The following JADE2 variants were observed in gnomAD, a reference collection of about 807,000 sequenced individuals.
The protein encoded by JADE2 is jade family PHD finger 2.
JADE2 carries 13 observed loss-of-function variants against 85.7 expected under a neutral mutation model. The observed-to-expected ratio is 0.15, with a 90% confidence interval of 0.10 to 0.24. The LOEUF (loss-of-function observed/expected upper bound fraction) is 0.24. Ranked by LOEUF, JADE2 falls within the 10% of genes least tolerant of loss-of-function variation. The pLI is 1.00. For synonymous variants in JADE2, 440 were observed against 456.1 expected, an observed-to-expected ratio of 0.96 and a Z score of 0.45; for missense variants, 846 against 1,115.9, an observed-to-expected ratio of 0.76 and a Z score of 3.45.
At position 134,559,915 on chromosome 5, in the gene JADE2, G is replaced by A. The variant is rs139883151; in HGVS notation, c.397G>A (p.Gly133Arg). 250 of 1,613,920 alleles carry A rather than the reference G, an allele frequency of 1.5e-4. No individual in the cohort carries two copies. In the African/African-American group the frequency reaches 1.8e-3, roughly 12 times the overall value. ...TGAGGGCTCCCAGCCTGATTGGCCA[G>A]GGGGCAGCCGCTATGACTTGGACGA... Reference protein sequence around the residue: ...LGEGSQPDWPGGSRYDLDEID... With the variant: ...LGEGSQPDWPRGSRYDLDEID... Residue 133 changes from glycine to arginine, a missense_variant, in exon 5 of 12, where the codon GGG becomes AGG. Physicochemically the swap from Gly to Arg is moderately radical, Grantham distance 125. This residue lies in a region of JADE2 where 78 missense variants were observed against 64.9 expected (regional missense o/e 1.20). Transcript: ENST00000681547.
At chr5:134,525,506 G>C (rs957530197), upstream of JADE2, among the ~76,000 whole-genome samples, 6 of 151,754 alleles carry the variant, frequency 4.0e-5, no homozygotes, top group East Asian at 1.2e-3. Flanking sequence ...GCGGGGGGTT[G>C]GGGGGGCGGC....
chr5:134,571,920 G>A (rs1347632123), intron 9 of JADE2, among the ~76,000 whole-genome samples: 1 of 152,234 alleles, frequency 6.6e-6, no homozygotes, highest in African/African-American at 2.4e-5. Flanking sequence ...GGCTGCTTGT[G>A]TGTCCAAGAC....
At chr5:134,542,417 C>A (rs1443801299) in intron 3 of JADE2, among the ~76,000 whole-genome samples, 3 of 150,418 alleles carry the variant, frequency 2.0e-5, no homozygotes, top group Non-Finnish European at 4.4e-5. Context: ...TCTGGAGTAG[C>A]ACCCTAGGTA....
intron 1 of JADE2, among the ~76,000 whole-genome samples, chr5:134,529,607 A>G (rs1235503456): frequency 6.6e-6 from 1 of 152,262 alleles, no homozygotes; most frequent in Non-Finnish European, 1.5e-5. Flanking sequence ...CAAAGCAGGC[A>G]TGTGATAAGC....
At chr5:134,554,106 T>A (rs1762769967) in intron 4 of JADE2, among the ~76,000 whole-genome samples, 2 of 152,132 alleles carry the variant, frequency 1.3e-5, no homozygotes, top group Admixed American at 1.3e-4. Context: ...AGATCACAGC[T>A]GTTACCTCCC....
At position 134,525,724 on chromosome 5, in the gene JADE2, A is replaced by G; in HGVS notation, c.-288A>G. 8.1e-7 allele frequency: 1 copy of G among 1,229,652 alleles called. No individual in the cohort carries two copies. Among genetic ancestry groups the G allele is most frequent in the Non-Finnish European group, 1.0e-6 (1 of 964,388 alleles). The allele number at this position is 1,229,652 out of a possible 1,614,324, so 76.2% of individuals were successfully genotyped here. ...TGCCGACCGCGGCCATCGCAGTTGGAGGCTATTTTTTGGGGGGGGTGAGTA... is the reference window on the plus strand; with the variant it reads ...TGCCGACCGCGGCCATCGCAGTTGGGGGCTATTTTTTGGGGGGGGTGAGTA... On this transcript the variant is annotated 5_prime_UTR_variant, in exon 1 of 12. Coordinates refer to ENST00000681547, the MANE Select transcript of JADE2 (RefSeq NM_001388185.1).
At chr5:134,559,091 C>T (rs12054866) in intron 4 of JADE2, among the ~76,000 whole-genome samples, 18,172 of 152,184 alleles carry the variant, frequency 0.12, 1,388 homozygotes, top group East Asian at 0.24. Context: ...GTCCTGGGGC[C>T]GGGTAACACT....
rs369736249 is a variant in JADE2, at chr5:134,541,410, G to A, written c.153+3327G>A. Among the ~76,000 whole-genome samples, 4 of 152,336 alleles carry A rather than the reference G, an allele frequency of 2.6e-5. No homozygotes were observed. In the South Asian group the frequency reaches 8.3e-4, roughly 32 times the overall value. On this transcript the variant is annotated intron_variant, in intron 3 of 11. Coordinates refer to ENST00000681547, the MANE Select transcript of JADE2 (RefSeq NM_001388185.1). Reference sequence around the variant, plus strand: ...AGAGAATGTTTGCACTAAATCTCACGGACTGCTCTCTTCTCTTTCTGTGAA... The same window carrying A: ...AGAGAATGTTTGCACTAAATCTCACAGACTGCTCTCTTCTCTTTCTGTGAA...
At chr5:134,525,365 C>A (rs997856158), upstream of JADE2, among the ~76,000 whole-genome samples, 4 of 151,786 alleles carry the variant, frequency 2.6e-5, no homozygotes, top group Non-Finnish European at 4.4e-5. Flanking sequence ...GGGCTAGGGG[C>A]GCCCCAGAGT....
At chr5:134,528,219 C>T (rs1760999173) in intron 1 of JADE2, among the ~76,000 whole-genome samples, 1 of 152,182 alleles carries the variant, frequency 6.6e-6, no homozygotes, top group Non-Finnish European at 1.5e-5. Context: ...CATTAACTCC[C>T]TCCCTTCACT....
At chr5:134,530,291 G>A (rs1175286397) in intron 1 of JADE2, among the ~76,000 whole-genome samples, 3 of 152,250 alleles carry the variant, frequency 2.0e-5, no homozygotes, top group Admixed American at 6.5e-5. Flanking sequence ...TTACACACAC[G>A]CCTTAGCGGT....
intron 4 of JADE2, among the ~76,000 whole-genome samples, chr5:134,553,978 G>A (rs1311244368): frequency 6.6e-6 from 1 of 152,164 alleles, no homozygotes; most frequent in Admixed American, 6.5e-5. Context: ...CTTGTGTCCT[G>A]GCCTCCCCCA....
At chr5:134,567,496 G>A (rs1254028332) in intron 9 of JADE2, among the ~76,000 whole-genome samples, 5 of 152,130 alleles carry the variant, frequency 3.3e-5, no homozygotes, top group African/African-American at 1.2e-4. Context: ...ACATTTCTAG[G>A]GTTCCAGAGC....
intron 9 of JADE2, among the ~76,000 whole-genome samples, chr5:134,568,930 G>GAATCATC (rs1561758917): frequency 6.6e-6 from 1 of 152,234 alleles, no homozygotes; most frequent in East Asian, 1.9e-4. Context: ...CCTGTAACTG[G>GAATCATC]GCACTAAGCC....
In JADE2 at chr5:134,562,746, A is replaced by C. The variant is rs1178527385; in HGVS notation, c.852+379A>C. ...ACCACTGCACTCCAGCCTGGGTGACAGAGCAAGACTCCGTCTGAAAAACAA... is the reference window on the plus strand; with the variant it reads ...ACCACTGCACTCCAGCCTGGGTGACCGAGCAAGACTCCGTCTGAAAAACAA... On this transcript the variant is annotated intron_variant, in intron 7 of 11. Coordinates refer to ENST00000681547, the MANE Select transcript of JADE2 (RefSeq NM_001388185.1). The surrounding 1 kb of genome is among the most constrained non-coding windows in gnomAD (Gnocchi z 4.6). 2.6e-5 allele frequency among the ~76,000 whole-genome samples: 4 copies of C among 152,186 alleles called. No homozygotes were observed. Among genetic ancestry groups the C allele is most frequent in the Non-Finnish European group, 5.9e-5 (4 of 68,032 alleles).
chr5:134,576,320 C>G (rs1350479848), intron 10 of JADE2, among the ~76,000 whole-genome samples: 1 of 152,082 alleles, frequency 6.6e-6, no homozygotes, highest in East Asian at 1.9e-4. Flanking sequence ...ACCAAGAGAC[C>G]ATGGCAGGAG....
intron 3 of JADE2, among the ~76,000 whole-genome samples, chr5:134,551,415 A>C (rs1159749109): frequency 2.6e-5 from 4 of 152,116 alleles, no homozygotes; most frequent in African/African-American, 4.8e-5. Context: ...TTTTTGTAAA[A>C]ATGAGGTTTC....
chr5:134,526,225 GT>G (rs1213667097), intron 1 of JADE2: 7 of 985,428 alleles, frequency 7.1e-6, no homozygotes, highest in Non-Finnish European at 7.2e-6. Flanking sequence ...GGTCAGTCGT[GT>G]TTTAAAGAGT....
chr5:134,548,395 G>C (rs1246863103), intron 3 of JADE2, among the ~76,000 whole-genome samples: 1 of 152,188 alleles, frequency 6.6e-6, no homozygotes, highest in African/African-American at 2.4e-5. Context: ...CTGTAAAATA[G>C]GGATGATGGT....
Sources: allele counts gnomAD v4.1 joint callset (sites outside exome capture counted in the v4.1 genomes callset), GRCh38; gene constraint gnomAD v4.1.1; regional missense constraint gnomAD v4.1.1; non-coding constraint Gnocchi (gnomAD v3.1); transcripts MANE v1.5; gene names NCBI Gene and HGNC (gene_info 2026-07-23, HGNC 2026-07-21).